Variants in XYLT1 observed in about 807,000 individuals in gnomAD.
XYLT1 encodes xylosyltransferase 1, also known as beta-D-xylosyltransferase 1.
XYLT1 carries 36 observed loss-of-function variants against 91.3 expected under a neutral mutation model. That is an observed-to-expected ratio of 0.39 (90% CI 0.30 to 0.52). The LOEUF (loss-of-function observed/expected upper bound fraction) is 0.52. XYLT1 is among the 20% of genes least tolerant of loss of function. The pLI is 0.68. For synonymous variants in XYLT1, 588 were observed against 532.0 expected (o/e 1.11, Z -1.45); for missense variants, 1,242 against 1,284.5 (o/e 0.97, Z 0.51).
chr16:17,361,428 T>G (rs557469728), intron 1 of XYLT1, among the ~76,000 whole-genome samples: 2 of 152,228 alleles, frequency 1.3e-5, no homozygotes, highest in Non-Finnish European at 2.9e-5. Context: ...GTAACTGATA[T>G]ACTTTCTAAA....
intron 3 of XYLT1, among the ~76,000 whole-genome samples, chr16:17,205,164 T>C (rs1181682995): frequency 6.6e-6 from 1 of 152,210 alleles, no homozygotes; most frequent in Non-Finnish European, 1.5e-5. Flanking sequence ...CTGAGGATGA[T>C]GGGGGGTCCC....
At chr16:17,313,856 A>C (rs1309737724) in intron 2 of XYLT1, among the ~76,000 whole-genome samples, 2 of 152,166 alleles carry the variant, frequency 1.3e-5, no homozygotes, top group Admixed American at 1.3e-4. Context: ...ATCCAGCCCA[A>C]ACTATGAACC....
intron 10 of XYLT1, among the ~76,000 whole-genome samples, chr16:17,124,027 C>G (rs8063192): frequency 6.6e-6 from 1 of 152,122 alleles, no homozygotes; most frequent in Non-Finnish European, 1.5e-5. Context: ...TGTGAGTCCT[C>G]AGGTGCCAGG....
chr16:17,197,325 C>T (rs762654683), intron 5 of XYLT1, among the ~76,000 whole-genome samples: 44 of 152,054 alleles, frequency 2.9e-4, no homozygotes, highest in Non-Finnish European at 6.2e-4. Context: ...TGTTCTTATC[C>T]GTGAAAACCT....
intron 2 of XYLT1, chr16:17,355,326 G>A (rs1170999443): frequency 6.6e-6 from 1 of 152,464 alleles, no homozygotes; most frequent in East Asian, 1.9e-4. Context: ...GGATTCTGCT[G>A]TTCCACTCCC....
At position 17,146,080 on chromosome 16, in the gene XYLT1, C is replaced by T. The variant is rs1024842955; in HGVS notation, c.1371-4711G>A. ...GAAGATGGTCCTGCCCTGGTAGTCA[C>T]GCTGAATTCCAGAAAGAATTCCCTC... On this transcript the variant is annotated intron_variant, in intron 6 of 11. Transcript: ENST00000261381. Among the ~76,000 whole-genome samples, 8 of 152,302 alleles carry T rather than the reference C, an allele frequency of 5.3e-5. 1 individual carries two copies. Among genetic ancestry groups the T allele is most frequent in the South Asian group, 4.1e-4 (2 of 4,824 alleles).
At chr16:17,447,680 G>GA (rs2036610197) in intron 1 of XYLT1, among the ~76,000 whole-genome samples, 1 of 152,192 alleles carries the variant, frequency 6.6e-6, no homozygotes, top group South Asian at 2.1e-4. Flanking sequence ...GATGCTCTTG[G>GA]AAAAAGAGTT....
intron 1 of XYLT1, among the ~76,000 whole-genome samples, chr16:17,412,771 T>C (rs1382418255): frequency 1.3e-5 from 2 of 152,136 alleles, no homozygotes; most frequent in African/African-American, 4.8e-5. Context: ...AGATTTACTT[T>C]CCCAAACAAG....
chr16:17,201,846 G>C (rs1434878462), intron 3 of XYLT1, among the ~76,000 whole-genome samples: 4 of 152,102 alleles, frequency 2.6e-5, no homozygotes, highest in Admixed American at 2.6e-4. Context: ...ACGGAGAGAG[G>C]TTGCCTGAGA....
intron 1 of XYLT1, among the ~76,000 whole-genome samples, chr16:17,417,217 C>T (rs981550904): frequency 8.5e-5 from 13 of 152,188 alleles, no homozygotes; most frequent in African/African-American, 3.1e-4. Flanking sequence ...TCTACTGACT[C>T]TCTTAATTTA....
intron 1 of XYLT1, among the ~76,000 whole-genome samples, chr16:17,445,195 A>G (rs968267054): frequency 6.6e-6 from 1 of 152,154 alleles, no homozygotes; most frequent in African/African-American, 2.4e-5. Flanking sequence ...GGGTTTCACT[A>G]TGTTACCCAG....
intron 1 of XYLT1, among the ~76,000 whole-genome samples, chr16:17,427,153 T>C (rs142445896): frequency 6.6e-6 from 1 of 152,356 alleles, no homozygotes; most frequent in East Asian, 1.9e-4. Flanking sequence ...ATCTGGGATT[T>C]GGGCAGCAAG....
At position 17,384,605 on chromosome 16, in the gene XYLT1, C is replaced by T. The variant is rs111784291; in HGVS notation, c.364-26555G>A. Among the ~76,000 whole-genome samples the T allele has an allele frequency of 4.0e-3, 615 of 151,986 alleles. 3 individuals are homozygous for T. The highest frequency in any genetic ancestry group is 7.2e-3 in the Non-Finnish European group (489 of 68,012). On this transcript the variant is annotated intron_variant, in intron 1 of 11. Transcript: ENST00000261381. ...ATTGACTGAATCTGAGAGGCACTGTCTACTTCAGATGTGGTGTGGGAGTGC... is the reference window on the plus strand; with the variant it reads ...ATTGACTGAATCTGAGAGGCACTGTTTACTTCAGATGTGGTGTGGGAGTGC...
intron 1 of XYLT1, among the ~76,000 whole-genome samples, chr16:17,422,509 AC>A (rs2036262244): frequency 1.3e-5 from 2 of 149,004 alleles, no homozygotes; most frequent in Non-Finnish European, 3.0e-5. Flanking sequence ...CACAAATTTT[AC>A]TTTATTATTT....
At chr16:17,130,052 A>G (rs2030412691) in intron 9 of XYLT1, among the ~76,000 whole-genome samples, 3 of 152,352 alleles carry the variant, frequency 2.0e-5, no homozygotes, top group Admixed American at 6.5e-5. Context: ...TGAGGTCACC[A>G]TGAGAGCATG....
rs548354961 is a variant in XYLT1, at chr16:17,347,762, G to C, written c.402+10250C>G. Among the ~76,000 whole-genome samples, 12 of 152,350 alleles carry C rather than the reference G, an allele frequency of 7.9e-5. No individual in the cohort carries two copies. The East Asian group carries it at 2.1e-3, about 27-fold the overall frequency. ...GGGGGCCCGGTCAGGGTCCCTGAAGGAAAGAGATGTTACTCTCCAAACTGA... is the reference window on the plus strand; with the variant it reads ...GGGGGCCCGGTCAGGGTCCCTGAAGCAAAGAGATGTTACTCTCCAAACTGA... On this transcript the variant is annotated intron_variant, in intron 2 of 11. Transcript: ENST00000261381.
intron 5 of XYLT1, among the ~76,000 whole-genome samples, chr16:17,161,996 G>A (rs541608844): frequency 4.6e-5 from 7 of 152,276 alleles, no homozygotes; most frequent in Admixed American, 2.0e-4. Flanking sequence ...ATAAAAAAAT[G>A]AGTAATACAA....
At chr16:17,173,927 C>T (rs186950235) in intron 5 of XYLT1, among the ~76,000 whole-genome samples, 139 of 152,258 alleles carry the variant, frequency 9.1e-4, no homozygotes, top group Middle Eastern at 3.4e-3. Context: ...ACATAGTAAT[C>T]GCTTGATTAT....
At chr16:17,225,960 ATCT>A (rs1317681130) in intron 3 of XYLT1, among the ~76,000 whole-genome samples, 1 of 152,184 alleles carries the variant, frequency 6.6e-6, no homozygotes, top group Non-Finnish European at 1.5e-5. Flanking sequence ...CCCTAAGAAC[ATCT>A]GCAAAAAATT....
Sources: allele counts gnomAD v4.1 joint callset (sites outside exome capture counted in the v4.1 genomes callset), GRCh38; gene constraint gnomAD v4.1.1; transcripts MANE v1.5; gene names NCBI Gene and HGNC (gene_info 2026-07-23, HGNC 2026-07-21).